Variants in GLB1 observed in about 807,000 individuals in gnomAD.
GLB1 encodes the protein beta-galactosidase.
GLB1 carries 56 observed loss-of-function variants against 74.0 expected under a neutral mutation model. The observed-to-expected ratio is 0.76, with a 90% confidence interval of 0.61 to 0.94. GLB1 has a LOEUF of 0.94. Ranked by LOEUF, GLB1 falls within the 40% of genes least tolerant of loss-of-function variation. The pLI is 0.00. For synonymous variants in GLB1, 323 were observed against 323.6 expected (o/e 1.00, Z 0.02); for missense variants, 787 against 845.5 (o/e 0.93, Z 0.86).
At chr3:33,016,937 C>CTTGAAGTG (rs1288899486) in intron 13 of GLB1, 97 bp from the exon 14 acceptor site, 4 of 1,550,284 alleles carry the variant, frequency 2.6e-6, no homozygotes, top group Non-Finnish European at 3.5e-6. Flanking sequence ...ATTTTCTTGC[C>CTTGAAGTG]TTGAAGTGTC....
chr3:32,965,841 G>C, the GLB1 span, among the ~76,000 whole-genome samples: 1 of 152,300 alleles, frequency 6.6e-6, no homozygotes, highest in African/African-American at 2.4e-5. Context: ...GGCTAAAAGG[G>C]GCCAAGGTAT....
chr3:33,051,939 G>T lies in GLB1; in HGVS notation c.858C>A (p.Thr286=). The T allele has an allele frequency of 6.2e-7, 1 of 1,614,194 alleles. No homozygotes were observed. Among genetic ancestry groups the T allele is most frequent in the Non-Finnish European group, 8.5e-7 (1 of 1,180,042 alleles). Residue 286 remains threonine (T), a synonymous_variant, in exon 8 of 16, where the codon ACC becomes ACA. Transcript: ENST00000307363. The stretch of plus-strand genomic sequence containing the variant: ...CATAGAGGGAGGAAGCCACTGCTTC[G>T]GTCTTGATTGTGGAGTGAGGTTGGC... ...HWGQPHSTIK[T]EAVASSLYDI... is the part of the protein sequence containing the mutation.
At chr3:33,082,749 C>T (rs2125569151) in intron 1 of GLB1, among the ~76,000 whole-genome samples, 1 of 152,288 alleles carries the variant, frequency 6.6e-6, no homozygotes, top group South Asian at 2.1e-4. Context: ...TTGCCCGGGG[C>T]TGTGTCCACT....
chr3:33,009,154 T>TAAATAAATAAATAAATTAAA (rs761134064), intron 15 of GLB1, among the ~76,000 whole-genome samples: 1 of 131,518 alleles, frequency 7.6e-6, no homozygotes, highest in Non-Finnish European at 1.7e-5. Flanking sequence ...AATAAATAAA[T>TAAATAAATAAATAAATTAAA]AAAAAAGATT....
At chr3:32,986,596 T>C in the GLB1 span, among the ~76,000 whole-genome samples, 1 of 64,934 alleles carries the variant, frequency 1.5e-5, no homozygotes, top group African/African-American at 8.6e-5. Flanking sequence ...CTGTTTCTCT[T>C]TTTTTTTTTT....
chr3:33,034,514 A>G (rs1321104942), intron 10 of GLB1: 1 of 734,448 alleles, frequency 1.4e-6, no homozygotes, highest in Middle Eastern at 2.6e-4. Context: ...CCCCTCCATC[A>G]GCCTGCCCAC....
At chr3:32,996,585 C>G (rs990159056), downstream of GLB1, 1 of 231,290 alleles carries the variant, frequency 4.3e-6, no homozygotes, top group African/African-American at 2.3e-5. Context: ...AGAAAAGCAG[C>G]AGTCCACAGA....
intron 1 of GLB1, chr3:33,077,242 G>A: frequency 1.3e-6 from 2 of 1,561,084 alleles, no homozygotes; most frequent in Non-Finnish European, 8.7e-7. Flanking sequence ...TCGAGACTGA[G>A]AACAAAGATC....
At position 33,095,104 on chromosome 3, in the gene GLB1, G is replaced by A. The variant is rs1262901586; in HGVS notation, c.75+1907C>T. On this transcript the variant is annotated intron_variant, in intron 1 of 15. Transcript: ENST00000307363. ...TGGATGCATGTAATCCCAGCTACTC[G>A]GGAGGCTGAGGCAGGAGAATCACTT... 2.6e-5 allele frequency among the ~76,000 whole-genome samples: 4 copies of A among 151,364 alleles called. No individual in the cohort carries two copies. The South Asian group carries it at 8.3e-4, about 31-fold the overall frequency.
intron 4 of GLB1, among the ~76,000 whole-genome samples, chr3:33,066,846 T>C (rs1050642312): frequency 2.6e-5 from 4 of 152,070 alleles, no homozygotes; most frequent in African/African-American, 9.7e-5. Flanking sequence ...ACCAATAATA[T>C]GCTAAGCGTG....
chr3:33,069,543 T>C (rs550890495), intron 2 of GLB1, among the ~76,000 whole-genome samples: 2 of 152,292 alleles, frequency 1.3e-5, no homozygotes, highest in East Asian at 3.9e-4. Flanking sequence ...GACTTACTAT[T>C]TACTATTGAT....
intron 2 of GLB1, among the ~76,000 whole-genome samples, chr3:33,072,332 T>C (rs1265397184): frequency 6.6e-6 from 1 of 152,370 alleles, no homozygotes; most frequent in Non-Finnish European, 1.5e-5. Flanking sequence ...ATTTATTTAA[T>C]GATTTCTGAT....
At chr3:33,011,487 T>C (rs9872225) in intron 15 of GLB1, among the ~76,000 whole-genome samples, 2,416 of 147,052 alleles carry the variant, frequency 0.016, 69 homozygotes, top group East Asian at 0.078. Flanking sequence ...ATAAAAATAA[T>C]AAAAAAAATT....
At chr3:32,967,015 C>T in the GLB1 span, among the ~76,000 whole-genome samples, 1 of 152,144 alleles carries the variant, frequency 6.6e-6, no homozygotes, top group African/African-American at 2.4e-5. Flanking sequence ...TGAGAATGAA[C>T]TAATACAATA....
rs766528936 is a variant in GLB1 at position 33,053,506 on chromosome 3, C to T, written c.777G>A (p.Glu259=). The T allele has an allele frequency of 9.9e-6, 16 of 1,614,056 alleles. No individual in the cohort carries two copies. The South Asian group carries it at 1.2e-4, about 12-fold the overall frequency. Residue 259 remains glutamate, a synonymous_variant, in exon 7 of 16, where the codon GAG becomes GAA. Coordinates refer to ENST00000307363, the MANE Select transcript of GLB1 (RefSeq NM_000404.4). The stretch of plus-strand genomic sequence containing the variant: ...CGATTCTTACCAAGGGTCCTTTGGG[C>T]TCACACTTCCTCTGGCTTAGGAAAG... The part of the protein sequence containing the change: ...TDAFLSQRKC[E]PKGPLINSEF...
At chr3:33,021,384 TC>T in intron 12 of GLB1, 181 bp downstream of exon 12, 1 of 692,794 alleles carries the variant, frequency 1.4e-6, no homozygotes, top group East Asian at 2.7e-5. Context: ...ATAGGCATGA[TC>T]AGCCCACCAC....
Position 33,084,266 on chromosome 3 carries a change from C to T in GLB1, c.76-11553G>A, listed in dbSNP as rs1011121067. ...AGGGAAGGGGATGGAAGGGTATTTG[C>T]ATAACACGGGCTTCTGAGACCCTTC... On this transcript the variant is annotated intron_variant, in intron 1 of 15. Transcript: ENST00000307363. 4.6e-5 allele frequency among the ~76,000 whole-genome samples: 7 copies of T among 152,178 alleles called. 1 individual carries two copies. The highest frequency in any genetic ancestry group is 1.7e-4 in the African/African-American group (7 of 41,442).
At position 33,050,164 on chromosome 3, in the gene GLB1, T is replaced by C. The variant is rs118165576; in HGVS notation, c.955+1594A>G. Reference sequence around the variant, plus strand: ...AAAAATCAAAGACGTTACAGAAAAATTTTGTCATAATTTTTCCTACACAAA... The same window carrying C: ...AAAAATCAAAGACGTTACAGAAAAACTTTGTCATAATTTTTCCTACACAAA... On this transcript the variant is annotated intron_variant, in intron 9 of 15. Transcript: ENST00000307363. Among the ~76,000 whole-genome samples, 47 of 152,222 alleles carry C rather than the reference T, an allele frequency of 3.1e-4. 1 individual carries two copies. The East Asian group carries it at 9.1e-3, about 29-fold the overall frequency.
At chr3:32,993,522 ATTTTTTTTTTTTTTT>A (rs746774682), downstream of GLB1, among the ~76,000 whole-genome samples, 2 of 62,256 alleles carry the variant, frequency 3.2e-5, no homozygotes, top group Admixed American at 4.6e-4. Context: ...CATCCAGCTA[ATTTTTTTTTTTTTTT>A]TTTTTTTTTT....
Sources: gnomAD v4.1 joint callset for allele counts (sites outside exome capture counted in the v4.1 genomes callset) on GRCh38, gnomAD v4.1.1 for gene constraint, MANE v1.5 for transcripts, NCBI Gene and HGNC (gene_info 2026-07-23, HGNC 2026-07-21) for gene names.